The following MEGF11 variants were observed in gnomAD, a reference collection of about 807,000 sequenced individuals.
MEGF11 encodes multiple epidermal growth factor-like domains protein 11.
Under a neutral mutation model 146.6 loss-of-function variants are expected in MEGF11, and 126 were observed. The observed-to-expected ratio is 0.86, with a 90% CI of 0.74 to 1.00. The LOEUF (loss-of-function observed/expected upper bound fraction) is 1.00. MEGF11 is among the 50% of genes least tolerant of loss of function. MEGF11 has a pLI of 0.00. For missense variants in MEGF11, 1,509 were observed against 1,521.2 expected, an observed-to-expected ratio of 0.99 and a Z score of 0.13; for synonymous variants, 532 against 583.4, an observed-to-expected ratio of 0.91 and a Z score of 1.27.
At position 65,897,185 on chromosome 15, in the gene MEGF11, C is replaced by T. The variant is rs978300231; in HGVS notation, c.*749G>A. Reference sequence around the variant, plus strand: ...AAAGCCAGGACTAACTTGTAATGTCCTTGAACTTTGAATTGGCAAAATTTG... The same window carrying T: ...AAAGCCAGGACTAACTTGTAATGTCTTTGAACTTTGAATTGGCAAAATTTG... On this transcript the variant is annotated 3_prime_UTR_variant, in exon 26 of 26. Transcript: ENST00000395614. 6 of 151,908 alleles carry T rather than the reference C, an allele frequency of 3.9e-5. No individual in the cohort carries two copies. The highest frequency in any genetic ancestry group is 1.2e-4 in the African/African-American group (5 of 41,416). The allele number at this position is 151,908 out of a possible 1,614,324, so 9.4% of individuals were successfully genotyped here.
At chr15:66,021,971 G>T (rs763720728) in intron 5 of MEGF11, among the ~76,000 whole-genome samples, 3 of 152,226 alleles carry the variant, frequency 2.0e-5, no homozygotes, top group Admixed American at 6.5e-5. Flanking sequence ...GGCGGGCACA[G>T]GGAGGAACAA....
intron 1 of MEGF11, among the ~76,000 whole-genome samples, chr15:66,250,878 G>T (rs987451615): frequency 1.6e-5 from 2 of 126,816 alleles, no homozygotes; most frequent in Non-Finnish European, 3.3e-5. Context: ...CTGTACTCCA[G>T]CCTGAGAAAG....
chr15:65,982,445 G>C lies in MEGF11; in HGVS notation c.438C>G (p.Cys146Trp). 3 of 1,492,866 alleles carry C rather than the reference G, an allele frequency of 2.0e-6. No individual in the cohort carries two copies. The highest frequency in any genetic ancestry group is 1.9e-4 in the Middle Eastern group (1 of 5,308). 92.5% of individuals were successfully genotyped at this position (1,492,866 alleles called of 1,614,324 possible). The part of the protein sequence containing the change: ...DHWGPHCSNR[C>W]QCQNGALCNP... ...TACACAGGGCGCCGTTCTGGCACTG[G>C]CACCGGTTGCTGCAGTGGGGCCCCC... Residue 146 changes from cysteine to tryptophan, a missense_variant, in exon 6 of 26, where the codon TGC (cysteine) becomes TGG (tryptophan). Transcript: ENST00000395614. This position sits in a 1 kb window ranked among gnomAD's most constrained non-coding sequence, Gnocchi z 5.6.
intron 5 of MEGF11, among the ~76,000 whole-genome samples, chr15:66,014,515 C>A (rs1034828196): frequency 6.6e-6 from 1 of 152,178 alleles, no homozygotes; most frequent in Non-Finnish European, 1.5e-5. Flanking sequence ...AGCCAGAAAG[C>A]CTCAGAAAGA....
intron 1 of MEGF11, among the ~76,000 whole-genome samples, chr15:66,180,750 T>C (rs1399988137): frequency 1.3e-5 from 2 of 152,188 alleles, no homozygotes; most frequent in Non-Finnish European, 2.9e-5. Flanking sequence ...ATTTGGAAAA[T>C]TAAATTCTGG....
rs553994291 is a variant in MEGF11 at position 66,012,816 on chromosome 15, A to G, written c.395-30328T>C. 3.3e-5 allele frequency among the ~76,000 whole-genome samples: 5 copies of G among 152,262 alleles called. No homozygotes were observed. The East Asian group carries it at 9.7e-4, about 29-fold the overall frequency. Reference sequence around the variant, plus strand: ...ACCAGGCAGCAGCGCTTCCCCTAGGAGCCCTGGGGAGGCCATCCCAGACTT... The same window carrying G: ...ACCAGGCAGCAGCGCTTCCCCTAGGGGCCCTGGGGAGGCCATCCCAGACTT... On this transcript the variant is annotated intron_variant, in intron 5 of 25. Transcript: ENST00000395614.
At chr15:66,074,498 T>A (rs1399141664) in intron 5 of MEGF11, among the ~76,000 whole-genome samples, 1 of 151,994 alleles carries the variant, frequency 6.6e-6, no homozygotes, top group Non-Finnish European at 1.5e-5. Context: ...TGGAGCCGAG[T>A]TTTTCAAACT....
In MEGF11 at chr15:66,053,714, A is replaced by ATTTTTTTT. The variant is rs2084549697; in HGVS notation, c.394+40687_394+40688insAAAAAAAA. Among the ~76,000 whole-genome samples, 13 of 42,268 alleles carry ATTTTTTTT rather than the reference A, an allele frequency of 3.1e-4. 5 individuals carry two copies. Among genetic ancestry groups the ATTTTTTTT allele is most frequent in the Admixed American group, 8.5e-4 (2 of 2,340 alleles). The allele number at this position is 42,268 out of a possible 152,430, so 27.7% of individuals were successfully genotyped here. A position where few individuals can be genotyped will look rare whatever the true frequency, so the allele number is the denominator to read the frequency against. On this transcript the variant is annotated intron_variant, in intron 5 of 25. Transcript: ENST00000395614. ...ACTCAGCTCCCCCTCCCCTGGCACC[A>ATTTTTTTT]ATTTTTTTTTTTTTTTTTTTTTTTT...
intron 5 of MEGF11, among the ~76,000 whole-genome samples, chr15:66,057,532 C>G (rs1368482684): frequency 6.6e-6 from 1 of 152,024 alleles, no homozygotes; most frequent in Non-Finnish European, 1.5e-5. Context: ...TCAGGTAGAG[C>G]TGGGCTGCTA....
chr15:66,213,218 T>C (rs2091506782), intron 1 of MEGF11, among the ~76,000 whole-genome samples: 1 of 151,998 alleles, frequency 6.6e-6, no homozygotes, highest in African/African-American at 2.4e-5. Flanking sequence ...ATCAGCCAAC[T>C]AGATACTTCA....
At chr15:66,201,585 C>T (rs1374775781) in intron 1 of MEGF11, among the ~76,000 whole-genome samples, 2 of 152,040 alleles carry the variant, frequency 1.3e-5, no homozygotes, top group African/African-American at 4.8e-5. Flanking sequence ...ACCACTGCCG[C>T]TCTGCAATGA....
chr15:66,112,719 AG>A (rs2087498894), intron 4 of MEGF11, among the ~76,000 whole-genome samples: 2 of 62,608 alleles, frequency 3.2e-5, no homozygotes, highest in Admixed American at 2.7e-4. Flanking sequence ...ACTGCAGGGC[AG>A]GCAGTGCAAG....
chr15:66,085,203 G>A (rs529994927), intron 5 of MEGF11, among the ~76,000 whole-genome samples: 1 of 152,230 alleles, frequency 6.6e-6, no homozygotes, highest in South Asian at 2.1e-4. Context: ...GCTCAGACAT[G>A]CCTATGCCCA....
intron 1 of MEGF11, among the ~76,000 whole-genome samples, chr15:66,190,336 A>T (rs1169754769): frequency 6.6e-6 from 1 of 152,174 alleles, no homozygotes; most frequent in Non-Finnish European, 1.5e-5. Flanking sequence ...TCCTGGCCTC[A>T]AGCGATCCTC....
At chr15:65,922,743 A>C in intron 14 of MEGF11, 80 bp downstream of exon 14, 1 of 1,512,416 alleles carries the variant, frequency 6.6e-7, no homozygotes, top group Non-Finnish European at 9.0e-7. Flanking sequence ...AGCCTCTCTC[A>C]GGCCATGGCT....
At position 66,127,748 on chromosome 15, in the gene MEGF11, G is replaced by A. The variant is rs976883207; in HGVS notation, c.98+558C>T. ...CCGGCCCATTCCCCCAGGACCTAGC[G>A]CCGCAGCTGGAATGCAGCCCGCTCT... On this transcript the variant is annotated intron_variant, in intron 2 of 25. Transcript: ENST00000395614. 3.3e-5 allele frequency among the ~76,000 whole-genome samples: 5 copies of A among 152,214 alleles called. No individual in the cohort carries two copies. The East Asian group carries it at 5.8e-4, about 18-fold the overall frequency.
chr15:66,021,337 C>T (rs901632812), intron 5 of MEGF11, among the ~76,000 whole-genome samples: 2 of 152,216 alleles, frequency 1.3e-5, no homozygotes, highest in African/African-American at 4.8e-5. Flanking sequence ...GAGGGTTGGA[C>T]AATGTGAATT....
intron 1 of MEGF11, among the ~76,000 whole-genome samples, chr15:66,235,702 G>C (rs2092074871): frequency 6.6e-6 from 1 of 152,034 alleles, no homozygotes; most frequent in Non-Finnish European, 1.5e-5. Context: ...AACTCCAGAA[G>C]AGCCTGGGTC....
At chr15:65,981,195 C>T (rs1384973961) in intron 6 of MEGF11, among the ~76,000 whole-genome samples, 1 of 152,202 alleles carries the variant, frequency 6.6e-6, no homozygotes, top group Admixed American at 6.5e-5. Flanking sequence ...AGGCATTTTA[C>T]TTGGGCCTTA....
Sources: gnomAD v4.1 joint callset for allele counts (sites outside exome capture counted in the v4.1 genomes callset) on GRCh38, gnomAD v4.1.1 for gene constraint, Gnocchi (gnomAD v3.1) non-coding constraint, MANE v1.5 for transcripts, NCBI Gene and HGNC (gene_info 2026-07-23, HGNC 2026-07-21) for gene names.